The following MEIKIN variants were observed in gnomAD, a reference collection of about 807,000 sequenced individuals.
MEIKIN encodes meiotic kinetochore factor, also known as meiosis-specific kinetochore protein.
chr5:131,840,872 C>G (rs893987548), intron 11 of MEIKIN, among the ~76,000 whole-genome samples: 1 of 152,192 alleles, frequency 6.6e-6, no homozygotes, highest in Non-Finnish European at 1.5e-5. Flanking sequence ...CTGCCACATT[C>G]AGAATGCTTT....
chr5:131,815,966 T>C (rs538330363), intron 12 of MEIKIN, among the ~76,000 whole-genome samples: 5 of 152,362 alleles, frequency 3.3e-5, no homozygotes, highest in African/African-American at 1.2e-4. Flanking sequence ...TTTGTTTTCT[T>C]CTCTCTCTTA....
At chr5:131,857,282 A>G (rs1211152713) in intron 9 of MEIKIN, among the ~76,000 whole-genome samples, 1 of 152,240 alleles carries the variant, frequency 6.6e-6, no homozygotes, top group African/African-American at 2.4e-5. Flanking sequence ...AAACTTAGAA[A>G]TAAATGATTT....
chr5:131,828,290 G>A (rs1749649887), intron 11 of MEIKIN, among the ~76,000 whole-genome samples: 1 of 152,086 alleles, frequency 6.6e-6, no homozygotes, highest in Non-Finnish European at 1.5e-5. Flanking sequence ...AGCCTCCTGA[G>A]TAGCTGGGAC....
intron 9 of MEIKIN, among the ~76,000 whole-genome samples, chr5:131,869,133 C>G (rs1308542009): frequency 1.3e-5 from 2 of 152,154 alleles, no homozygotes; most frequent in Admixed American, 1.3e-4. Flanking sequence ...AGGTCCATGA[C>G]CCATTGTGAT....
intron 9 of MEIKIN, among the ~76,000 whole-genome samples, chr5:131,855,389 C>G (rs1472730223): frequency 2.6e-5 from 4 of 151,948 alleles, no homozygotes; most frequent in African/African-American, 9.7e-5. Flanking sequence ...TCATTTTCTA[C>G]TTTTTGAAGA....
At chr5:131,859,253 G>A (rs1012508858) in intron 9 of MEIKIN, among the ~76,000 whole-genome samples, 1 of 152,174 alleles carries the variant, frequency 6.6e-6, no homozygotes, top group Non-Finnish European at 1.5e-5. Flanking sequence ...TGTAAGGAAG[G>A]AGTCCAGTTC....
chr5:131,878,610 C>G (rs1750653408), intron 9 of MEIKIN, among the ~76,000 whole-genome samples: 1 of 152,054 alleles, frequency 6.6e-6, no homozygotes, highest in Non-Finnish European at 1.5e-5. Context: ...TGGCTCATGC[C>G]TGTAATTCCA....
chr5:131,916,872 T>A lies in MEIKIN; in HGVS notation c.638+14A>T. On this transcript the variant is annotated intron_variant, in intron 7 of 12. Transcript: ENST00000442687. ...TTTCAGAAGCTCAACAATTTTAAAA[T>A]TTTTAGTTCTTACGTTTTTCTATGG... The A allele has an allele frequency of 2.5e-6, 1 of 397,196 alleles. No homozygotes were observed. The allele number at this position is 397,196 out of a possible 1,614,324, so 24.6% of individuals were successfully genotyped here.
At position 131,836,442 on chromosome 5, in the gene MEIKIN, TTC is replaced by T. The variant is rs1274260226; in HGVS notation, c.975+14820_975+14821del. Among the ~76,000 whole-genome samples, 4 of 152,332 alleles carry T rather than the reference TTC, an allele frequency of 2.6e-5. No homozygotes were observed. The East Asian group carries it at 7.7e-4, about 29-fold the overall frequency. On this transcript the variant is annotated intron_variant, in intron 11 of 12. Transcript: ENST00000442687. ...ATGAAATTGCTGGGTCGAATGGTAGTTCTGTTTTTAGCTGTTCAAGAAATTGC... is the reference window on the plus strand; with the variant it reads ...ATGAAATTGCTGGGTCGAATGGTAGTTGTTTTTAGCTGTTCAAGAAATTGC...
At chr5:131,871,601 T>G (rs1330974592) in intron 9 of MEIKIN, among the ~76,000 whole-genome samples, 2 of 152,202 alleles carry the variant, frequency 1.3e-5, no homozygotes, top group Non-Finnish European at 2.9e-5. Context: ...AAGACAGCAG[T>G]GACCTCTGCA....
At chr5:131,915,465 C>T (rs1005542070) in intron 7 of MEIKIN, among the ~76,000 whole-genome samples, 3 of 152,140 alleles carry the variant, frequency 2.0e-5, no homozygotes, top group African/African-American at 7.2e-5. Flanking sequence ...TACAAGGCTA[C>T]GTAAGGTCTG....
At chr5:131,873,941 A>T (rs547611846) in intron 9 of MEIKIN, among the ~76,000 whole-genome samples, 1 of 152,328 alleles carries the variant, frequency 6.6e-6, no homozygotes, top group East Asian at 1.9e-4. Flanking sequence ...GTTCTTTGAA[A>T]CCAACGACAA....
chr5:131,874,586 T>C (rs1272137993), intron 9 of MEIKIN, among the ~76,000 whole-genome samples: 1 of 152,212 alleles, frequency 6.6e-6, no homozygotes, highest in Admixed American at 6.5e-5. Context: ...GCTGGTACCA[T>C]TCCTTCTGAA....
At chr5:131,846,116 T>C (rs554606430) in intron 11 of MEIKIN, among the ~76,000 whole-genome samples, 49 of 152,346 alleles carry the variant, frequency 3.2e-4, no homozygotes, top group African/African-American at 1.1e-3. Flanking sequence ...GCAGTGGGCT[T>C]ATAAATTCAA....
intron 6 of MEIKIN, among the ~76,000 whole-genome samples, chr5:131,919,768 GT>G (rs1751474325): frequency 6.6e-6 from 1 of 152,146 alleles, no homozygotes; most frequent in South Asian, 2.1e-4. Context: ...ATCCATAGGG[GT>G]TAAGTGAGAA....
At chr5:131,813,285 CAGTT>C (rs1773035377) in intron 12 of MEIKIN, among the ~76,000 whole-genome samples, 2 of 152,154 alleles carry the variant, frequency 1.3e-5, no homozygotes, top group Admixed American at 6.5e-5. Context: ...TTAAAGTCGA[CAGTT>C]AGAGCACCTA....
At chr5:131,920,606 G>A (rs1176742854) in intron 6 of MEIKIN, among the ~76,000 whole-genome samples, 1 of 152,090 alleles carries the variant, frequency 6.6e-6, no homozygotes, top group Non-Finnish European at 1.5e-5. Context: ...ATAAAAATGG[G>A]GGGACATCAT....
chr5:131,859,817 C>A (rs926584878), intron 9 of MEIKIN, among the ~76,000 whole-genome samples: 3 of 152,110 alleles, frequency 2.0e-5, no homozygotes, highest in Non-Finnish European at 4.4e-5. Flanking sequence ...ACTGTCCTTT[C>A]CCCCGTGTAT....
chr5:131,872,955 T>A lies in MEIKIN; in HGVS notation c.774+6023A>T, dbSNP rs568139902. ...TTACAGACAAGCAAATGCTGAGAGA[T>A]GTTGTCACCACCAGGCCTGCCCTAA... On this transcript the variant is annotated intron_variant, in intron 9 of 12. Transcript: ENST00000442687. Among the ~76,000 whole-genome samples, 14 of 152,208 alleles carry A rather than the reference T, an allele frequency of 9.2e-5. No individual in the cohort carries two copies. In the South Asian group the frequency reaches 1.2e-3, roughly 14 times the overall value.
Sources: gnomAD v4.1 joint callset for allele counts (sites outside exome capture counted in the v4.1 genomes callset) on GRCh38, gnomAD v4.1.1 for gene constraint, MANE v1.5 for transcripts, NCBI Gene and HGNC (gene_info 2026-07-23, HGNC 2026-07-21) for gene names.